The following SPP1 variants were observed in gnomAD, a reference collection of about 807,000 sequenced individuals.
SPP1 encodes the protein osteopontin.
In SPP1, 18 loss-of-function variants were observed where a neutral mutation model predicts 20.8. That is an observed-to-expected ratio of 0.87 (90% CI 0.60 to 1.29). The LOEUF is 1.29. SPP1 is among the 50% of genes most tolerant of loss of function. The pLI, the probability that SPP1 is intolerant of heterozygous loss-of-function variation, is 0.00. For missense variants in SPP1, 363 were observed against 389.0 expected, an observed-to-expected ratio of 0.93 and a Z score of 0.56; for synonymous variants, 146 against 141.5, an observed-to-expected ratio of 1.03 and a Z score of -0.23.
chr4:87,976,774 A>G (rs1029780522), intron 1 of SPP1, 108 bp from the exon 2 acceptor site: 6 of 707,122 alleles, frequency 8.5e-6, no homozygotes, highest in Non-Finnish European at 1.4e-5. Flanking sequence ...AAAAGATTCT[A>G]TAGAAAATAT....
intron 3 of SPP1, chr4:87,977,739 C>A (rs757531316): frequency 7.8e-7 from 1 of 1,283,876 alleles, no homozygotes; most frequent in South Asian, 1.3e-5. Flanking sequence ...TCCCCAGAAG[C>A]TTGGACAAAA....
At chr4:87,979,508 A>G (rs1725562119) in intron 3 of SPP1, among the ~76,000 whole-genome samples, 1 of 152,060 alleles carries the variant, frequency 6.6e-6, no homozygotes, top group South Asian at 2.1e-4. Context: ...AAATAGCTCC[A>G]TGTGGTTAGA....
intron 3 of SPP1, 108 bp downstream of exon 3, chr4:87,977,205 T>G (rs562786342): frequency 8.7e-7 from 1 of 1,149,356 alleles, no homozygotes; most frequent in Non-Finnish European, 1.3e-6. Context: ...GTCAAATCCA[T>G]TGGTTTACAA....
In SPP1 at chr4:87,983,109, A is replaced by G. The variant is rs55723832; in HGVS notation, c.*213A>G. ...AACTAAAAGCTTCAGGGTTATGTCT[A>G]TGTTCATTCTATAGAAGAAATGCAA... On this transcript the variant is annotated 3_prime_UTR_variant, in exon 7 of 7. Coordinates refer to ENST00000395080, the MANE Select transcript of SPP1 (RefSeq NM_001040058.2). 0.011 allele frequency: 5,377 copies of G among 497,526 alleles called. 40 individuals are homozygous for G. The highest frequency in any genetic ancestry group is 0.014 in the Admixed American group (375 of 26,446). 30.8% of individuals were successfully genotyped at this position (497,526 alleles called of 1,614,324 possible).
chr4:87,982,424 G>A (rs1725684876), intron 6 of SPP1, 68 bp from the exon 7 acceptor site: 20 of 1,535,084 alleles, frequency 1.3e-5, no homozygotes, highest in Non-Finnish European at 1.7e-5. Context: ...CTAGAGAGTG[G>A]AAAAGGATTA....
chr4:87,980,278 G>A (rs1725589162), intron 4 of SPP1, 115 bp from the exon 5 acceptor site: 3 of 1,496,452 alleles, frequency 2.0e-6, no homozygotes, highest in African/African-American at 1.4e-5. Context: ...TCTGTGTTAA[G>A]CCATCCACAG....
chr4:87,978,788 A>G (rs1725518147), intron 3 of SPP1, among the ~76,000 whole-genome samples: 2 of 152,132 alleles, frequency 1.3e-5, no homozygotes, highest in Non-Finnish European at 2.9e-5. Context: ...AGAAACTCCA[A>G]GTACTTCTGA....
At chr4:87,975,962 A>C (rs1037210339) in intron 1 of SPP1, among the ~76,000 whole-genome samples, 162 bp downstream of exon 1, 2 of 152,172 alleles carry the variant, frequency 1.3e-5, no homozygotes, top group African/African-American at 4.8e-5. Flanking sequence ...TCCTGGAACA[A>C]AGGTGTCTAG....
chr4:87,977,795 T>C (rs745662324), intron 3 of SPP1: 8 of 1,284,494 alleles, frequency 6.2e-6, no homozygotes, highest in Middle Eastern at 2.1e-4. Flanking sequence ...AAGGCCAAAA[T>C]AGAGCTGCCT....
At position 87,980,480 on chromosome 4, in the gene SPP1, T is replaced by A. The variant is rs769093199; in HGVS notation, c.216+46T>A. The A allele has an allele frequency of 1.9e-6, 3 of 1,595,134 alleles. No individual in the cohort carries two copies. The South Asian group carries it at 3.4e-5, about 18-fold the overall frequency. ...AGAGGCCCATCATGCCTTGAAGAGA[T>A]GAAAGAAGGCATTGCCTGGATTCTC... On this transcript the variant is annotated intron_variant, in intron 5 of 6. Coordinates refer to ENST00000395080, the MANE Select transcript of SPP1 (RefSeq NM_001040058.2).
At chr4:87,976,824 AG>A in intron 1 of SPP1, 57 bp from the exon 2 acceptor site, 1 of 1,178,924 alleles carries the variant, frequency 8.5e-7, no homozygotes, top group Non-Finnish European at 1.2e-6. Flanking sequence ...TAGTATAAAA[AG>A]GTATCACTGT....
chr4:87,977,542 T>C (rs150079424), intron 3 of SPP1: 4 of 474,334 alleles, frequency 8.4e-6, no homozygotes, highest in Non-Finnish European at 1.2e-5. Flanking sequence ...GAGAAGCCCA[T>C]TGTGAAAAGA....
intron 5 of SPP1, chr4:87,980,771 T>A (rs1725609620): frequency 4.2e-6 from 1 of 240,890 alleles, no homozygotes; most frequent in African/African-American, 2.3e-5. Flanking sequence ...AAGTTTTCTT[T>A]CCTAATAAAA....
chr4:87,978,375 G>C (rs1329745803), intron 3 of SPP1, among the ~76,000 whole-genome samples: 1 of 140,038 alleles, frequency 7.1e-6, no homozygotes, highest in African/African-American at 2.6e-5. Context: ...TGGTCTCACT[G>C]TTTTTCCGCC....
chr4:87,981,483 A>G lies in SPP1; in HGVS notation c.225A>G (p.Pro75=). 1 of 1,613,992 alleles carries G rather than the reference A, an allele frequency of 6.2e-7. No homozygotes were observed. The highest frequency in any genetic ancestry group is 2.2e-5 in the East Asian group (1 of 44,886). Reference sequence around the variant, plus strand: ...GCCATCTTAATTTTCAGACCCTTCCAAGTAAGTCCAACGAAAGCCATGACC... The same window carrying G: ...GCCATCTTAATTTTCAGACCCTTCCGAGTAAGTCCAACGAAAGCCATGACC... ...ETNDFKQETL[P]SKSNESHDHM... The change falls in exon 6 of 7, where the codon CCA becomes CCG. Residue 75 remains proline, a synonymous_variant. Coordinates refer to ENST00000395080, the MANE Select transcript of SPP1 (RefSeq NM_001040058.2).
At position 87,981,258 on chromosome 4, in the gene SPP1, G is replaced by A. The variant is rs552603450; in HGVS notation, c.217-217G>A. Among the ~76,000 whole-genome samples the A allele has an allele frequency of 4.6e-5, 7 of 152,176 alleles. No homozygotes were observed. The South Asian group carries it at 1.0e-3, about 23-fold the overall frequency. ...AATATCTATAAAAATAATTTCTGTTGCAAAGTAAGAAATGTTCTTCAGAAT... is the reference window on the plus strand; with the variant it reads ...AATATCTATAAAAATAATTTCTGTTACAAAGTAAGAAATGTTCTTCAGAAT... On this transcript the variant is annotated intron_variant, in intron 5 of 6. Coordinates refer to ENST00000395080, the MANE Select transcript of SPP1 (RefSeq NM_001040058.2).
intron 3 of SPP1, 61 bp downstream of exon 3, chr4:87,977,158 A>G: frequency 1.3e-6 from 2 of 1,514,548 alleles, no homozygotes; most frequent in Admixed American, 3.4e-5. Context: ...CGAGAGGTGC[A>G]AGAAACGTAT....
chr4:87,982,666 A>C lies in SPP1; in HGVS notation c.715A>C (p.Ser239Arg), dbSNP rs1307765427. 1.2e-6 allele frequency: 2 copies of C among 1,614,152 alleles called. No individual in the cohort carries two copies. The highest frequency in any genetic ancestry group is 2.2e-5 in the South Asian group (2 of 91,084). ...QLDDQSAETH[S>R]HKQSRLYKRK... ...GGATGACCAGAGTGCTGAAACCCAC[A>C]GCCACAAGCAGTCCAGATTATATAA... The change falls in exon 7 of 7, where the codon AGC (serine) becomes CGC (arginine). Residue 239 changes from serine to arginine, a missense_variant. Coordinates refer to ENST00000395080, the MANE Select transcript of SPP1 (RefSeq NM_001040058.2).
intron 3 of SPP1, chr4:87,977,890 C>G (rs1192287102): frequency 6.3e-6 from 7 of 1,109,988 alleles, no homozygotes; most frequent in South Asian, 4.0e-5. Flanking sequence ...GTGTGTGTGT[C>G]TGTTTTTCAA....
Sources: gnomAD v4.1 joint callset for allele counts (sites outside exome capture counted in the v4.1 genomes callset) on GRCh38, gnomAD v4.1.1 for gene constraint, MANE v1.5 for transcripts, NCBI Gene and HGNC (gene_info 2026-07-23, HGNC 2026-07-21) for gene names.